SAMD5: variants seen among roughly 807,000 people sequenced by gnomAD.
SAMD5 encodes the protein sterile alpha motif domain-containing protein 5.
A neutral mutation model predicts 11.3 loss-of-function variants in SAMD5; 13 were observed. That is an observed-to-expected ratio of 1.15 (90% CI 0.75 to 1.83). The LOEUF (loss-of-function observed/expected upper bound fraction) is 1.83. Ranked by LOEUF, SAMD5 falls within the 40% of genes most tolerant of loss-of-function variation. The pLI, the probability that SAMD5 is intolerant of heterozygous loss-of-function variation, is 0.00. For missense variants in SAMD5, 255 were observed against 239.1 expected (o/e 1.07, Z -0.44); for synonymous variants, 129 against 111.3 (o/e 1.16, Z -1.00).
chr6:147,915,572 C>T, the SAMD5 span, among the ~76,000 whole-genome samples: 4 of 152,132 alleles, frequency 2.6e-5, no homozygotes, highest in African/African-American at 9.7e-5. Flanking sequence ...TAAGCCATTG[C>T]GCATCAAGTG....
intron 1 of SAMD5, among the ~76,000 whole-genome samples, chr6:147,597,720 T>A (rs933945790): frequency 6.6e-6 from 1 of 152,232 alleles, no homozygotes; most frequent in Non-Finnish European, 1.5e-5. Flanking sequence ...CAAAACTTCA[T>A]GTTGCAACCA....
In SAMD5 at chr6:147,710,517, C is replaced by CT. The variant is rs200864861; in HGVS notation, c.163-26798dup. Among the ~76,000 whole-genome samples the CT allele has an allele frequency of 3.7e-3, 567 of 152,252 alleles. 6 individuals are homozygous for CT. The highest frequency in any genetic ancestry group is 0.013 in the African/African-American group (541 of 41,546). ...ATGGCCACACTGTAGACACTCCCTGCTTGTTAGTTACTTGGTGGCCCACTC... is the reference window on the plus strand; with the variant it reads ...ATGGCCACACTGTAGACACTCCCTGCTTTGTTAGTTACTTGGTGGCCCACTC... On this transcript the variant is annotated intron_variant, in intron 1 of 1. Transcript: ENST00000566741.
Position 147,711,970 on chromosome 6 carries a change from G to C in SAMD5, c.163-25347G>C, listed in dbSNP as rs1791406752. Among the ~76,000 whole-genome samples, 1 of 152,110 alleles carries C rather than the reference G, an allele frequency of 6.6e-6. No individual in the cohort carries two copies. The highest frequency in any genetic ancestry group is 2.4e-5 in the African/African-American group (1 of 41,420). Reference sequence around the variant, plus strand: ...CTTCAGTACCTTGGGACAAAGAAATGAGCATTTTCTTACAGAAATCCAAGA... The same window carrying C: ...CTTCAGTACCTTGGGACAAAGAAATCAGCATTTTCTTACAGAAATCCAAGA... On this transcript the variant is annotated intron_variant, in intron 1 of 1. Transcript: ENST00000566741. This position sits in a 1 kb window ranked among gnomAD's most constrained non-coding sequence, Gnocchi z 4.1.
chr6:147,895,190 C>A, the SAMD5 span, among the ~76,000 whole-genome samples: 1 of 152,286 alleles, frequency 6.6e-6, no homozygotes, highest in East Asian at 1.9e-4. Flanking sequence ...GAAATGCTAT[C>A]TTTAATGTAT....
intron 1 of SAMD5, among the ~76,000 whole-genome samples, chr6:147,550,476 G>A (rs180779736): frequency 3.6e-4 from 55 of 152,092 alleles, no homozygotes; most frequent in Non-Finnish European, 7.2e-4. Flanking sequence ...AGCACTATTC[G>A]CAATAGCAAA....
chr6:147,659,211 G>T (rs1790612125), intron 1 of SAMD5, among the ~76,000 whole-genome samples: 1 of 151,966 alleles, frequency 6.6e-6, no homozygotes, highest in Non-Finnish European at 1.5e-5. Flanking sequence ...GGGGAAATGA[G>T]TTTCCTAATC....
chr6:147,526,562 G>A (rs13218201), intron 1 of SAMD5, among the ~76,000 whole-genome samples: 7,609 of 152,276 alleles, frequency 0.05, 245 homozygotes, highest in Admixed American at 0.081. Flanking sequence ...TCTTTCAGCC[G>A]TAACTGAATG....
chr6:147,774,622 A>T, the SAMD5 span, among the ~76,000 whole-genome samples: 3 of 152,084 alleles, frequency 2.0e-5, no homozygotes, highest in Non-Finnish European at 4.4e-5. Context: ...TATGGATTTT[A>T]AAACAATATT....
the SAMD5 span, among the ~76,000 whole-genome samples, chr6:147,820,405 T>C: frequency 6.6e-6 from 1 of 152,202 alleles, no homozygotes. Flanking sequence ...ATAATTAACT[T>C]TAATCCATAC....
At chr6:147,950,371 T>C in the SAMD5 span, among the ~76,000 whole-genome samples, 1 of 152,300 alleles carries the variant, frequency 6.6e-6, no homozygotes, top group African/African-American at 2.4e-5. Flanking sequence ...CAGCATGGCC[T>C]CCTGATATTG....
chr6:147,719,142 T>A (rs1291016507), intron 1 of SAMD5, among the ~76,000 whole-genome samples: 2 of 152,206 alleles, frequency 1.3e-5, no homozygotes, highest in Non-Finnish European at 2.9e-5. Flanking sequence ...TGCTGTGATG[T>A]CAAAGGGATG....
At position 147,566,338 on chromosome 6, in the gene SAMD5, C is replaced by A. The variant is rs1789040263; in HGVS notation, c.*1882C>A. The stretch of plus-strand genomic sequence containing the variant: ...GGTCTTTAAAATTCCTAAGTAGATT[C>A]TTTTGAGTGGTAGGGGAGTCTGTAT... On this transcript the variant is annotated 3_prime_UTR_variant, in exon 2 of 2. Coordinates refer to ENST00000367474, the MANE Select transcript of SAMD5 (RefSeq NM_001030060.3). The A allele has an allele frequency of 1.0e-6, 1 of 977,592 alleles. No individual in the cohort carries two copies. The highest frequency in any genetic ancestry group is 1.2e-6 in the Non-Finnish European group (1 of 824,770). The allele number at this position is 977,592 out of a possible 1,614,324, so 60.6% of individuals were successfully genotyped here.
At chr6:147,925,970 A>G in the SAMD5 span, among the ~76,000 whole-genome samples, 2 of 152,230 alleles carry the variant, frequency 1.3e-5, no homozygotes, top group Admixed American at 6.6e-5. Context: ...TAATTTGCTA[A>G]GGATAATGGC....
intron 1 of SAMD5, among the ~76,000 whole-genome samples, chr6:147,669,420 C>CTTTTTTTTTTTTTTTTTTTTTTTT (rs55877273): frequency 1.3e-5 from 1 of 74,516 alleles, no homozygotes; most frequent in African/African-American, 5.3e-5. Flanking sequence ...AGCTCCACTT[C>CTTTTTTTTTTTTTTTTTTTTTTTT]TTTTTTTTTT....
At chr6:147,874,461 C>T in the SAMD5 span, among the ~76,000 whole-genome samples, 1 of 151,858 alleles carries the variant, frequency 6.6e-6, no homozygotes, top group African/African-American at 2.4e-5. Flanking sequence ...GTATGAGGAC[C>T]GAGAAGCCCG....
At chr6:147,741,782 C>A (rs1333994646), downstream of SAMD5, 1 of 152,150 alleles carries the variant, frequency 6.6e-6, no homozygotes, top group African/African-American at 2.4e-5. Flanking sequence ...AAACACAATT[C>A]TTCTTCGGGT....
At chr6:147,582,137 T>C (rs1489567881) in intron 1 of SAMD5, among the ~76,000 whole-genome samples, 2 of 151,706 alleles carry the variant, frequency 1.3e-5, no homozygotes, top group Non-Finnish European at 2.9e-5. Context: ...GGTGGGTGGA[T>C]CATCTGAGGT....
chr6:147,534,376 A>G (rs1788476571), intron 1 of SAMD5, among the ~76,000 whole-genome samples: 1 of 152,172 alleles, frequency 6.6e-6, no homozygotes, highest in South Asian at 2.1e-4. Flanking sequence ...CCTTGTCTAA[A>G]TGAATGGTTG....
chr6:147,634,682 T>G (rs2128451655), intron 1 of SAMD5, among the ~76,000 whole-genome samples: 1 of 152,352 alleles, frequency 6.6e-6, no homozygotes, highest in East Asian at 1.9e-4. Context: ...GGAGGGATTT[T>G]ACCCCCTACT....
Sources: gnomAD v4.1 joint callset for allele counts (sites outside exome capture counted in the v4.1 genomes callset) on GRCh38, gnomAD v4.1.1 for gene constraint, Gnocchi (gnomAD v3.1) non-coding constraint, MANE v1.5 for transcripts, NCBI Gene and HGNC (gene_info 2026-07-23, HGNC 2026-07-21) for gene names.